The following GPR137 variants were observed in gnomAD, a reference collection of about 807,000 sequenced individuals.
The protein encoded by GPR137 is G protein-coupled receptor 137.
GPR137 carries 20 observed loss-of-function variants against 38.9 expected under a neutral mutation model. The observed-to-expected ratio is 0.51, with a 90% confidence interval of 0.36 to 0.75. GPR137 has a LOEUF of 0.75. Ranked by LOEUF, GPR137 falls within the 30% of genes least tolerant of loss-of-function variation. GPR137 has a pLI of 0.00. For missense variants in GPR137, 456 were observed against 526.4 expected (o/e 0.87, Z 1.31); for synonymous variants, 226 against 235.8 (o/e 0.96, Z 0.38).
chr11:64,282,885 A>C (rs1452811932), upstream of GPR137, among the ~76,000 whole-genome samples: 2 of 149,122 alleles, frequency 1.3e-5, no homozygotes, highest in African/African-American at 2.5e-5. Context: ...TCTCAGGAAA[A>C]AAAAAAAAAA....
intron 2 of GPR137, among the ~76,000 whole-genome samples, chr11:64,278,522 C>T (rs1344907408): frequency 6.6e-6 from 1 of 152,108 alleles, no homozygotes; most frequent in Admixed American, 6.6e-5. Context: ...CAGGTCCTCG[C>T]CACAGCCCTG....
upstream of GPR137, among the ~76,000 whole-genome samples, chr11:64,282,651 G>C (rs993974678): frequency 1.3e-5 from 2 of 152,110 alleles, no homozygotes; most frequent in Non-Finnish European, 2.9e-5. Context: ...AGGCTGAGGC[G>C]GGTGGATTAC....
chr11:64,287,652 C>T, intron 2 of GPR137, 69 bp from the exon 3 acceptor site: 1 of 1,587,426 alleles, frequency 6.3e-7, no homozygotes, highest in Non-Finnish European at 8.5e-7. Flanking sequence ...GGGTTTCCTG[C>T]AGGAGGTGGG....
chr11:64,287,072 C>A lies in GPR137; in HGVS notation c.407+58C>A. The A allele has an allele frequency of 2.5e-6, 4 of 1,579,612 alleles. No homozygotes were observed. The South Asian group carries it at 4.5e-5, about 18-fold the overall frequency. ...CCAGGTCAGGGGCAGGTGACAGTCC[C>A]ATGTAGATCCCTTCCCACCTCTCAG... On this transcript the variant is annotated intron_variant, in intron 2 of 6. Transcript: ENST00000438980.
upstream of GPR137, among the ~76,000 whole-genome samples, chr11:64,273,167 G>A (rs550927855): frequency 2.4e-4 from 37 of 151,962 alleles, no homozygotes; most frequent in Non-Finnish European, 4.0e-4. Context: ...TCAGAAGTTC[G>A]AGACCAGCCT....
chr11:64,271,863 C>A, upstream of GPR137: 1 of 1,276,642 alleles, frequency 7.8e-7, no homozygotes, highest in Middle Eastern at 2.4e-4. Context: ...AGCCCCTGGC[C>A]CTGCCTGAAC....
At chr11:64,272,033 G>A (rs189169736), upstream of GPR137, among the ~76,000 whole-genome samples, 11 of 152,316 alleles carry the variant, frequency 7.2e-5, no homozygotes, top group South Asian at 2.3e-3. Context: ...AATCCTTACC[G>A]AGTGCCAATA....
At chr11:64,282,321 G>C (rs1487491482), upstream of GPR137, among the ~76,000 whole-genome samples, 2 of 152,224 alleles carry the variant, frequency 1.3e-5, no homozygotes, top group African/African-American at 4.8e-5. Flanking sequence ...AGCTGTGGAG[G>C]CTGAGCATGG....
upstream of GPR137, chr11:64,271,798 C>T (rs1294670707): frequency 6.4e-6 from 9 of 1,401,968 alleles, no homozygotes; most frequent in Non-Finnish European, 4.6e-6. Flanking sequence ...TCCACAGCCC[C>T]AGCGCCTGCA....
chr11:64,284,933 T>C (rs1308341272), upstream of GPR137: 9 of 1,405,794 alleles, frequency 6.4e-6, no homozygotes, highest in African/African-American at 2.9e-5. Flanking sequence ...GGGTCCCCAT[T>C]TGGAACCTGG....
upstream of GPR137, among the ~76,000 whole-genome samples, chr11:64,274,829 A>G (rs2032931672): frequency 6.6e-6 from 1 of 151,752 alleles, no homozygotes; most frequent in African/African-American, 2.4e-5. Flanking sequence ...TCAAAAAAAA[A>G]AAGAAACTAG....
upstream of GPR137, among the ~76,000 whole-genome samples, chr11:64,281,168 G>A (rs1375364883): frequency 6.6e-6 from 1 of 151,962 alleles, no homozygotes; most frequent in Non-Finnish European, 1.5e-5. Flanking sequence ...GGGGTTCACC[G>A]TGTTAGCCAG....
At chr11:64,276,835 C>A in intron 2 of GPR137, 1 of 710,316 alleles carries the variant, frequency 1.4e-6, no homozygotes, top group Non-Finnish European at 2.6e-6. Context: ...TAGAGCCTGG[C>A]CCGGAGCTGG....
At chr11:64,273,640 G>A (rs984064294), upstream of GPR137, among the ~76,000 whole-genome samples, 1 of 152,090 alleles carries the variant, frequency 6.6e-6, no homozygotes, top group Non-Finnish European at 1.5e-5. Context: ...CAGCACTTTG[G>A]GAGGCCGAGG....
chr11:64,274,543 C>T (rs1181418198), upstream of GPR137, among the ~76,000 whole-genome samples: 1 of 151,920 alleles, frequency 6.6e-6, no homozygotes, highest in Non-Finnish European at 1.5e-5. Context: ...CAAAAAAAGG[C>T]CAGGTGTGGT....
upstream of GPR137, chr11:64,284,766 A>C (rs1027982025): frequency 2.6e-6 from 4 of 1,534,882 alleles, no homozygotes; most frequent in African/African-American, 4.1e-5. Flanking sequence ...TCACTCGGGT[A>C]GGTCCAGAGG....
At chr11:64,278,155 A>C (rs963810975) in intron 2 of GPR137, among the ~76,000 whole-genome samples, 1 of 152,050 alleles carries the variant, frequency 6.6e-6, no homozygotes, top group African/African-American at 2.4e-5. Flanking sequence ...TTAGCCAGGC[A>C]TGGTGGCGTG....
At chr11:64,273,505 C>A (rs188874162), upstream of GPR137, among the ~76,000 whole-genome samples, 1 of 152,136 alleles carries the variant, frequency 6.6e-6, no homozygotes, top group African/African-American at 2.4e-5. Flanking sequence ...CAACTCCTGC[C>A]AACTCCACTC....
At chr11:64,279,403 C>T (rs12360984), upstream of GPR137, among the ~76,000 whole-genome samples, 1 of 152,182 alleles carries the variant, frequency 6.6e-6, no homozygotes, top group Admixed American at 6.5e-5. Flanking sequence ...AAGCACAACT[C>T]TGGTTCAGAC....
Sources: gnomAD v4.1 joint callset for allele counts (sites outside exome capture counted in the v4.1 genomes callset) on GRCh38, gnomAD v4.1.1 for gene constraint, MANE v1.5 for transcripts, NCBI Gene and HGNC (gene_info 2026-07-23, HGNC 2026-07-21) for gene names.